Variants in PUM1 observed in about 807,000 individuals in gnomAD.
PUM1 encodes pumilio homolog 1.
A neutral mutation model predicts 131.8 loss-of-function variants in PUM1; 13 were observed. The observed-to-expected ratio is 0.10, with a 90% CI of 0.06 to 0.16. PUM1 has a LOEUF of 0.16. Ranked by LOEUF, PUM1 falls within the 10% of genes least tolerant of loss-of-function variation. PUM1 has a pLI of 1.00. For missense variants in PUM1, 961 were observed against 1,512.4 expected (o/e 0.64, Z 6.05); for synonymous variants, 509 against 556.5 (o/e 0.91, Z 1.20).
intron 10 of PUM1, among the ~76,000 whole-genome samples, chr1:30,973,868 T>A (rs1433922318): frequency 6.6e-6 from 1 of 151,986 alleles, no homozygotes; most frequent in Non-Finnish European, 1.5e-5. Context: ...GGCGGGTGGA[T>A]CACGAGGTCA....
At chr1:31,012,542 T>G (rs999628986) in intron 3 of PUM1, among the ~76,000 whole-genome samples, 1 of 121,120 alleles carries the variant, frequency 8.3e-6, no homozygotes, top group East Asian at 2.5e-4. Flanking sequence ...ATAAAAAAAC[T>G]TATGAAAAGT....
chr1:31,009,659 T>G (rs1377474437), intron 3 of PUM1, among the ~76,000 whole-genome samples: 1 of 150,448 alleles, frequency 6.6e-6, no homozygotes, highest in East Asian at 2.0e-4. Context: ...TCCCAGCTAC[T>G]CGGGAGGCTG....
At chr1:30,941,051 A>C in intron 20 of PUM1, 100 bp downstream of exon 20, 1 of 1,175,312 alleles carries the variant, frequency 8.5e-7, no homozygotes, top group South Asian at 1.8e-5. Context: ...TACTTTGAAA[A>C]CAACAACAAC....
At chr1:30,986,229 A>G (rs1641554655) in intron 7 of PUM1, among the ~76,000 whole-genome samples, 1 of 152,208 alleles carries the variant, frequency 6.6e-6, no homozygotes, top group Admixed American at 6.5e-5. Flanking sequence ...CGCTGGGATT[A>G]CAGGCATGAG....
chr1:30,960,997 C>T (rs150840922), intron 14 of PUM1, among the ~76,000 whole-genome samples: 2,321 of 151,414 alleles, frequency 0.015, 30 homozygotes, highest in Middle Eastern at 0.031. Flanking sequence ...AAAAAAGGGA[C>T]CAGCCTGGCC....
chr1:30,950,789 C>T (rs1359175377), intron 16 of PUM1, among the ~76,000 whole-genome samples: 8 of 152,238 alleles, frequency 5.3e-5, no homozygotes, highest in Admixed American at 3.3e-4. Context: ...TGAACCCAGG[C>T]GGCAGAGGTT....
chr1:31,020,345 T>G (rs1008673063), intron 3 of PUM1, among the ~76,000 whole-genome samples: 2 of 152,256 alleles, frequency 1.3e-5, no homozygotes, highest in African/African-American at 4.8e-5. Flanking sequence ...TTGTGAATAG[T>G]GCTGCAATAA....
intron 2 of PUM1, among the ~76,000 whole-genome samples, chr1:31,051,378 A>G (rs781461144): frequency 6.7e-6 from 1 of 149,618 alleles, no homozygotes; most frequent in Admixed American, 6.8e-5. Context: ...ATCTCGGCTC[A>G]CCGCAAACTC....
chr1:30,966,150 G>T lies in PUM1; in HGVS notation c.1918C>A (p.Leu640Met). The change falls in exon 13 of 22, where the codon CTG (leucine) becomes ATG (methionine). Residue 640 changes from leucine to methionine, a missense_variant. By Grantham distance (15) the Leu-to-Met change is conservative (BLOSUM62 2). Around this residue, in one of 4 missense-constraint regions of PUM1, gnomAD observed 654 missense variants for 923.9 expected, o/e 0.71. Coordinates refer to ENST00000426105, the MANE Select transcript of PUM1 (RefSeq NM_001020658.2). ...PQPQQQPNNN[L>M]ASSSFYGNNS... ...TTGCCGTAGAAAGAACTGGATGCCA[G>T]GTTGTTATTGGGCTGCTGCTGGGGC... The T allele has an allele frequency of 1.9e-6, 3 of 1,614,146 alleles. No individual in the cohort carries two copies. Among genetic ancestry groups the T allele is most frequent in the Non-Finnish European group, 2.5e-6 (3 of 1,180,032 alleles).
intron 17 of PUM1, among the ~76,000 whole-genome samples, chr1:30,947,601 T>C (rs1322022193): frequency 6.6e-6 from 1 of 152,222 alleles, no homozygotes. Context: ...GCCTGCACCA[T>C]GGCTATACCT....
chr1:31,000,751 T>C (rs912036560), intron 5 of PUM1, among the ~76,000 whole-genome samples: 5 of 152,192 alleles, frequency 3.3e-5, no homozygotes, highest in African/African-American at 1.2e-4. Context: ...GTCCAAAAAC[T>C]ATAACAATGT....
At chr1:31,034,980 T>A (rs749160601) in intron 2 of PUM1, among the ~76,000 whole-genome samples, 8 of 152,154 alleles carry the variant, frequency 5.3e-5, no homozygotes, top group Non-Finnish European at 1.0e-4. Flanking sequence ...TAAGAATTAA[T>A]CTAATTTGAA....
chr1:31,027,396 T>A (rs1214885366), intron 3 of PUM1, among the ~76,000 whole-genome samples: 1 of 152,218 alleles, frequency 6.6e-6, no homozygotes, highest in East Asian at 1.9e-4. Context: ...ATACTTAATA[T>A]CCAACAAATA....
At chr1:31,031,500 T>C in intron 2 of PUM1, among the ~76,000 whole-genome samples, 1 of 152,068 alleles carries the variant, frequency 6.6e-6, no homozygotes, top group South Asian at 2.1e-4. Flanking sequence ...CATTGTTAGG[T>C]AGGGAAAAGC....
chr1:30,941,948 CT>C (rs757373428), intron 19 of PUM1, 49 bp downstream of exon 19: 2 of 1,472,338 alleles, frequency 1.4e-6, no homozygotes, highest in Non-Finnish European at 9.2e-7. Context: ...AACTCTGGCC[CT>C]GCACAAGCCC....
intron 21 of PUM1, among the ~76,000 whole-genome samples, 189 bp from the exon 22 acceptor site, chr1:30,933,531 C>G (rs570469928): frequency 6.6e-6 from 1 of 151,950 alleles, no homozygotes; most frequent in East Asian, 1.9e-4. Context: ...CCCCTGACTT[C>G]TAGCACTTTG....
intron 16 of PUM1, 122 bp downstream of exon 16, chr1:30,952,112 A>G: frequency 1.1e-6 from 1 of 923,972 alleles, no homozygotes; most frequent in Non-Finnish European, 1.7e-6. Context: ...ACCTCTTCAA[A>G]AAGACCACAC....
chr1:31,052,858 G>A (rs1188594562), intron 2 of PUM1, among the ~76,000 whole-genome samples: 1 of 151,156 alleles, frequency 6.6e-6, no homozygotes, highest in East Asian at 1.9e-4. Flanking sequence ...AACGCGCCAC[G>A]ACGCCCGGCT....
rs1290064466 is a variant in PUM1 at position 31,005,901 on chromosome 1, A to G, written c.672T>C (p.Tyr224=). 37 of 1,613,088 alleles carry G rather than the reference A, an allele frequency of 2.3e-5. No homozygotes were observed. Among genetic ancestry groups the G allele is most frequent in the Non-Finnish European group, 3.1e-5 (37 of 1,179,766 alleles). ...AATCGCCCGGGGATGAGCTCAACAC[A>G]TACTCCACCATGCTAACGCCTAGTC... The part of the protein sequence containing the change: ...SGGLGVSMVE[Y]VLSSSPGDSC... The change falls in exon 5 of 22, where the codon TAT becomes TAC. Residue 224 remains tyrosine (Y), a synonymous_variant. Coordinates refer to ENST00000426105, the MANE Select transcript of PUM1 (RefSeq NM_001020658.2).
Sources: allele counts gnomAD v4.1 joint callset (sites outside exome capture counted in the v4.1 genomes callset), GRCh38; gene constraint gnomAD v4.1.1; regional missense constraint gnomAD v4.1.1; transcripts MANE v1.5; gene names NCBI Gene and HGNC (gene_info 2026-07-23, HGNC 2026-07-21).